The following ZBTB20 variants were observed in gnomAD, a reference collection of about 807,000 sequenced individuals.
ZBTB20 encodes zinc finger and BTB domain containing 20, also known as zinc finger and BTB domain-containing protein 20.
ZBTB20 carries 9 observed loss-of-function variants against 56.9 expected under a neutral mutation model. That is an observed-to-expected ratio of 0.16 (90% confidence interval 0.10 to 0.28). The LOEUF (loss-of-function observed/expected upper bound fraction) is 0.28. Among genes scored for constraint, ZBTB20 ranks in the 10% least tolerant of loss-of-function variants. The probability of loss-of-function intolerance (pLI) is 1.00; values close to 1 mark genes in which losing one functional copy is unlikely to be tolerated. For synonymous variants in ZBTB20, 417 were observed against 420.7 expected (o/e 0.99, Z 0.11); for missense variants, 655 against 1,003.0 (o/e 0.65, Z 4.69).
In ZBTB20 at chr3:114,693,540, T is replaced by C. The variant is rs2062818724; in HGVS notation, c.-307A>G. 1 of 152,128 alleles carries C rather than the reference T, an allele frequency of 6.6e-6. No individual in the cohort carries two copies. Among genetic ancestry groups the C allele is most frequent in the South Asian group, 2.1e-4 (1 of 4,832 alleles). 9.4% of individuals were successfully genotyped at this position (152,128 alleles called of 1,614,324 possible). A position where few individuals can be genotyped will look rare whatever the true frequency, so the allele number is the denominator to read the frequency against. ...GAGAGTTACTTACCAGACAGCAATG[T>C]CATGAGGAATATCCTGTTAGTAATG... On this transcript the variant is annotated 5_prime_UTR_variant, in exon 6 of 12. Transcript: ENST00000675478.
chr3:114,375,723 A>T (rs151045711), intron 10 of ZBTB20: 4 of 152,350 alleles, frequency 2.6e-5, no homozygotes, highest in African/African-American at 9.6e-5. Flanking sequence ...GAAATGAATA[A>T]TTTCCTTCGA....
At chr3:114,474,566 A>G (rs950280823) in intron 7 of ZBTB20, among the ~76,000 whole-genome samples, 1 of 152,092 alleles carries the variant, frequency 6.6e-6, no homozygotes, top group Non-Finnish European at 1.5e-5. Flanking sequence ...CTGCTGCACT[A>G]TAGTGTCGTG....
In ZBTB20 at chr3:114,937,517, G is replaced by A. The variant is rs538940988; in HGVS notation, c.-456+36849C>T. Among the ~76,000 whole-genome samples, 41 of 151,894 alleles carry A rather than the reference G, an allele frequency of 2.7e-4. No homozygotes were observed. In the South Asian group the frequency reaches 3.1e-3, roughly 12 times the overall value. On this transcript the variant is annotated intron_variant, in intron 3 of 11. Coordinates refer to ENST00000675478, the MANE Select transcript of ZBTB20 (RefSeq NM_001348800.3). Reference sequence around the variant, plus strand: ...GCTCACTGCAACCTCCGGCTCCCGCGTTCAAGTGATTCTCCTCCCTCAGCT... The same window carrying A: ...GCTCACTGCAACCTCCGGCTCCCGCATTCAAGTGATTCTCCTCCCTCAGCT...
At chr3:114,584,523 T>C (rs1052667229) in intron 6 of ZBTB20, among the ~76,000 whole-genome samples, 1 of 150,818 alleles carries the variant, frequency 6.6e-6, no homozygotes, top group Non-Finnish European at 1.5e-5. Flanking sequence ...TCCCTAACTC[T>C]GTTAAAAAAA....
chr3:114,921,522 T>C (rs1299777080), intron 3 of ZBTB20, among the ~76,000 whole-genome samples: 1 of 151,978 alleles, frequency 6.6e-6, no homozygotes, highest in East Asian at 1.9e-4. Context: ...AATGACACAC[T>C]TCCTAACTCA....
chr3:114,871,750 A>C (rs1374362786), intron 4 of ZBTB20, among the ~76,000 whole-genome samples: 1 of 152,158 alleles, frequency 6.6e-6, no homozygotes, highest in Non-Finnish European at 1.5e-5. Context: ...TGTATTAATC[A>C]GTTGCTAAGT....
chr3:114,354,284 G>A (rs1419995875), intron 10 of ZBTB20, among the ~76,000 whole-genome samples: 4 of 152,204 alleles, frequency 2.6e-5, no homozygotes, highest in African/African-American at 9.6e-5. Flanking sequence ...AAAACTGGTT[G>A]TGTCTGTGAT....
chr3:114,856,101 C>T (rs1049190120), intron 4 of ZBTB20, among the ~76,000 whole-genome samples: 1 of 152,110 alleles, frequency 6.6e-6, no homozygotes, highest in African/African-American at 2.4e-5. Flanking sequence ...CTCTCTGGAC[C>T]TCTCTGATCC....
chr3:114,341,349 G>T (rs1403442784), intron 11 of ZBTB20, among the ~76,000 whole-genome samples: 1 of 151,918 alleles, frequency 6.6e-6, no homozygotes, highest in African/African-American at 2.4e-5. Flanking sequence ...CTGTAAACAT[G>T]CCTGGAAGTC....
At chr3:114,393,408 T>A (rs539854459) in intron 7 of ZBTB20, among the ~76,000 whole-genome samples, 1 of 152,376 alleles carries the variant, frequency 6.6e-6, no homozygotes, top group Admixed American at 6.5e-5. Context: ...ATTTTATAAT[T>A]AATACAACCA....
At chr3:114,469,631 A>G (rs74422444) in intron 7 of ZBTB20, among the ~76,000 whole-genome samples, 1 of 150,962 alleles carries the variant, frequency 6.6e-6, no homozygotes, top group Admixed American at 6.6e-5. Flanking sequence ...AAATCTGTAG[A>G]ACACAATGTT....
chr3:114,664,604 AACAC>A (rs377253945), intron 6 of ZBTB20, among the ~76,000 whole-genome samples: 8,645 of 149,044 alleles, frequency 0.058, 313 homozygotes, highest in Middle Eastern at 0.15. Context: ...CCACCTCCCC[AACAC>A]ACACACACAC....
chr3:115,048,181 C>T (rs559675003), intron 2 of ZBTB20, among the ~76,000 whole-genome samples: 1 of 152,102 alleles, frequency 6.6e-6, no homozygotes, highest in South Asian at 2.1e-4. Flanking sequence ...GCTGAGTTCG[C>T]GCCACTGCAC....
intron 10 of ZBTB20, chr3:114,375,732 G>T (rs1447442372): frequency 6.6e-6 from 1 of 152,132 alleles, no homozygotes; most frequent in East Asian, 1.9e-4. Flanking sequence ...AATTTCCTTC[G>T]AAATATCCCT....
chr3:114,618,127 T>G (rs1307001046), intron 6 of ZBTB20, among the ~76,000 whole-genome samples: 2 of 151,510 alleles, frequency 1.3e-5, no homozygotes, highest in Non-Finnish European at 1.5e-5. Context: ...CCTGGAATAG[T>G]GTTGGGTACA....
intron 5 of ZBTB20, among the ~76,000 whole-genome samples, chr3:114,707,702 C>T (rs2063799388): frequency 6.6e-6 from 1 of 152,146 alleles, no homozygotes; most frequent in African/African-American, 2.4e-5. Flanking sequence ...CTTCTATTTG[C>T]AGTCTACAAC....
chr3:114,732,755 C>T (rs2065853307), intron 5 of ZBTB20, among the ~76,000 whole-genome samples: 3 of 152,246 alleles, frequency 2.0e-5, no homozygotes, highest in Admixed American at 2.0e-4. Context: ...GTTGCTTGGG[C>T]AGTGGGGGAT....
At chr3:114,691,735 C>T (rs952259433) in intron 6 of ZBTB20, among the ~76,000 whole-genome samples, 3 of 151,750 alleles carry the variant, frequency 2.0e-5, no homozygotes, top group Non-Finnish European at 2.9e-5. Flanking sequence ...AATATATCCT[C>T]GGGGAAAATG....
intron 5 of ZBTB20, among the ~76,000 whole-genome samples, chr3:114,716,857 A>C (rs543121032): frequency 1.6e-4 from 25 of 152,220 alleles, no homozygotes; most frequent in Non-Finnish European, 2.5e-4. Context: ...GCCATACCTG[A>C]AAGTTCTGAG....
Sources: allele counts gnomAD v4.1 joint callset (sites outside exome capture counted in the v4.1 genomes callset), GRCh38; gene constraint gnomAD v4.1.1; transcripts MANE v1.5; gene names NCBI Gene and HGNC (gene_info 2026-07-23, HGNC 2026-07-21).